The following ITGAX variants were observed in gnomAD, a reference collection of about 807,000 sequenced individuals.
The protein encoded by ITGAX is integrin alpha-X.
ITGAX carries 99 observed loss-of-function variants against 140.2 expected under a neutral mutation model. The observed-to-expected ratio is 0.71, with a 90% CI of 0.60 to 0.83. The LOEUF (loss-of-function observed/expected upper bound fraction) is 0.83, where lower values mean the gene tolerates loss of function less well. Among genes scored for constraint, ITGAX ranks in the 40% least tolerant of loss-of-function variants. ITGAX has a pLI of 0.00. For missense variants in ITGAX, 1,444 were observed against 1,482.0 expected (o/e 0.97, Z 0.42); for synonymous variants, 631 against 600.4 (o/e 1.05, Z -0.75).
At chr16:31,377,363 T>G in intron 23 of ITGAX, 98 bp downstream of exon 23, 46 of 942,458 alleles carry the variant, frequency 4.9e-5, no homozygotes, top group Non-Finnish European at 6.9e-5. Context: ...GAGGGTGAGA[T>G]AAGGTGTTTG....
rs564649269 is a variant in ITGAX at position 31,356,342 on chromosome 16, T to C, written c.144-283T>C. 1.5e-3 allele frequency: 670 copies of C among 442,852 alleles called. 4 individuals are homozygous for C. The highest frequency in any genetic ancestry group is 2.4e-3 in the Non-Finnish European group (580 of 245,082). The allele number at this position is 442,852 out of a possible 1,614,324, so 27.4% of individuals were successfully genotyped here. A position where few individuals can be genotyped will look rare whatever the true frequency, so the allele number is the denominator to read the frequency against. ...ACAGGGTCTCACTATGTTGCCTGGG[T>C]TGGTCTCAAACTCCTGGGCTCAAGC... On this transcript the variant is annotated intron_variant, in intron 2 of 29. Coordinates refer to ENST00000268296, the MANE Select transcript of ITGAX (RefSeq NM_000887.5).
chr16:31,380,426 C>A, intron 27 of ITGAX, 47 bp downstream of exon 27: 3 of 1,610,744 alleles, frequency 1.9e-6, no homozygotes, highest in Non-Finnish European at 2.5e-6. Flanking sequence ...TCAGGCGGGA[C>A]CTGGCATGTC....
At chr16:31,356,060 GC>G in intron 2 of ITGAX, 62 bp downstream of exon 2, 1 of 1,181,984 alleles carries the variant, frequency 8.5e-7, no homozygotes, top group Admixed American at 1.9e-5. Context: ...AGGGCCCCAT[GC>G]CCCCGGCCCT....
chr16:31,374,099 G>A (rs963140050), intron 20 of ITGAX, among the ~76,000 whole-genome samples: 2 of 152,252 alleles, frequency 1.3e-5, no homozygotes, highest in East Asian at 3.9e-4. Context: ...GACCAGCCTG[G>A]CCAACATGGT....
chr16:31,357,387 C>G (rs1462031871), intron 5 of ITGAX, 23 bp downstream of exon 5: 1 of 1,486,662 alleles, frequency 6.7e-7, no homozygotes, highest in South Asian at 1.2e-5. Flanking sequence ...ACCACCAAGG[C>G]TTTGAGGAGC....
At chr16:31,381,325 A>G (rs1316843018) in intron 29 of ITGAX, among the ~76,000 whole-genome samples, 1 of 152,182 alleles carries the variant, frequency 6.6e-6, no homozygotes, top group African/African-American at 2.4e-5. Flanking sequence ...GTCTTTGACC[A>G]TAGGCCAGTG....
rs1272843233 is a variant in ITGAX at position 31,371,774 on chromosome 16, T to C, written c.2150T>C (p.Leu717Pro). Residue 717 changes from leucine (L) to proline (P), a missense_variant, in exon 17 of 30, where the codon CTG (leucine) becomes CCG (proline). Physicochemically the swap from Leu to Pro is moderately conservative, Grantham distance 98. Coordinates refer to ENST00000268296, the MANE Select transcript of ITGAX (RefSeq NM_000887.5). ...AAGGCACACTGTGAAAACTTCAACC[T>C]GCTGCTCCCGGTGCGTCTGGGCATG... ...GLKAHCENFNLLLPSCVEDSV... is the reference protein window; with the variant it reads ...GLKAHCENFNPLLPSCVEDSV... 1 of 1,613,840 alleles carries C rather than the reference T, an allele frequency of 6.2e-7. No individual in the cohort carries two copies. Among genetic ancestry groups the C allele is most frequent in the Non-Finnish European group, 8.5e-7 (1 of 1,180,004 alleles).
At position 31,361,780 on chromosome 16, in the gene ITGAX, G is replaced by A. The variant is rs2080828528; in HGVS notation, c.1013-56G>A. 1.9e-6 allele frequency: 3 copies of A among 1,563,036 alleles called. No homozygotes were observed. The Admixed American group carries it at 5.0e-5, about 26-fold the overall frequency. On this transcript the variant is annotated intron_variant, in intron 9 of 29. Coordinates refer to ENST00000268296, the MANE Select transcript of ITGAX (RefSeq NM_000887.5). ...CTTCTCCTAAAGCTGAAGTGTTCTT[G>A]GACCTGGCAAAGCCCGTCTCCCTCC...
At position 31,357,092 on chromosome 16, in the gene ITGAX, C is replaced by T. The variant is rs763619758; in HGVS notation, c.309C>T (p.Ser103=). The change falls in exon 4 of 30, where the codon TCC becomes TCT. Residue 103 remains serine (S), a synonymous_variant. Coordinates refer to ENST00000268296, the MANE Select transcript of ITGAX (RefSeq NM_000887.5). Reference sequence around the variant, plus strand: ...CCCTGGCGTCTACCACCAGCCCTTCCCAGCTGCTGGTGAGTGGCCCTGGGT... The same window carrying T: ...CCCTGGCGTCTACCACCAGCCCTTCTCAGCTGCTGGTGAGTGGCCCTGGGT... ...GLSLASTTSP[S]QLLACGPTVH... The T allele has an allele frequency of 1.7e-5, 28 of 1,606,632 alleles. No homozygotes were observed. Among genetic ancestry groups the T allele is most frequent in the Middle Eastern group, 1.8e-4 (1 of 5,468 alleles).
chr16:31,370,974 C>T, intron 14 of ITGAX, 110 bp from the exon 15 acceptor site: 1 of 1,382,678 alleles, frequency 7.2e-7, no homozygotes, highest in Non-Finnish European at 1.0e-6. Flanking sequence ...GTTCACAACT[C>T]ACCCCTTCTC....
At chr16:31,363,878 C>T (rs750058011) in intron 14 of ITGAX, among the ~76,000 whole-genome samples, 1 of 152,210 alleles carries the variant, frequency 6.6e-6, no homozygotes, top group Non-Finnish European at 1.5e-5. Context: ...AAGGGCACTC[C>T]GGCCTCCTGA....
intron 14 of ITGAX, among the ~76,000 whole-genome samples, chr16:31,364,955 G>A (rs1483727523): frequency 6.6e-6 from 1 of 152,184 alleles, no homozygotes; most frequent in Non-Finnish European, 1.5e-5. Context: ...GGAGGTGGGG[G>A]TTGTGGTGAG....
Position 31,361,226 on chromosome 16 carries a change from G to T in ITGAX, c.1012+13G>T, listed in dbSNP as rs1281558611. On this transcript the variant is annotated intron_variant, in intron 9 of 29. Transcript: ENST00000268296. ...TTTGCCATTGAGGGTGAGTCTGAAG[G>T]GAGCTCTTCGCTTGGGGAATCCTCA... The T allele has an allele frequency of 6.3e-7, 1 of 1,594,902 alleles. No homozygotes were observed. Among genetic ancestry groups the T allele is most frequent in the Admixed American group, 1.8e-5 (1 of 55,458 alleles).
rs184562080 is a variant in ITGAX, at chr16:31,360,960, G to T, written c.862-103G>T. On this transcript the variant is annotated intron_variant, in intron 8 of 29. Coordinates refer to ENST00000268296, the MANE Select transcript of ITGAX (RefSeq NM_000887.5). The stretch of plus-strand genomic sequence containing the variant: ...CGTGTTTCTCCTGTGTCCACCGGGT[G>T]TGATCATGTTGATCTTGTGGGGTTA... 287 of 1,114,378 alleles carry T rather than the reference G, an allele frequency of 2.6e-4. 2 individuals are homozygous for T. In the African/African-American group the frequency reaches 3.9e-3, roughly 15 times the overall value. The allele number at this position is 1,114,378 out of a possible 1,614,324, so 69.0% of individuals were successfully genotyped here.
At position 31,357,312 on chromosome 16, in the gene ITGAX, C is replaced by T. The variant is rs1362486388; in HGVS notation, c.378C>T (p.Cys126=). ...GGAACATGTACCTCACCGGACTCTG[C>T]TTCCTCCTGGGCCCCACCCAGCTCA... ...CGRNMYLTGL[C]FLLGPTQLTQ... The change falls in exon 5 of 30, where the codon TGC becomes TGT. Residue 126 remains cysteine (C), a synonymous_variant. Transcript: ENST00000268296. 1.9e-6 allele frequency: 3 copies of T among 1,608,404 alleles called. No individual in the cohort carries two copies. Among genetic ancestry groups the T allele is most frequent in the African/African-American group, 1.3e-5 (1 of 74,750 alleles).
In ITGAX at chr16:31,356,693, A is replaced by G. The variant is rs751255361; in HGVS notation, c.212A>G (p.Tyr71Cys). ...NQTGGLYQCG[Y>C]STGACEPIGL... is the part of the protein sequence containing the mutation. The stretch of plus-strand genomic sequence containing the variant: ...ACGGGTGGCCTCTACCAGTGTGGCT[A>G]CAGCACTGGTGCCTGTGAGCCCATC... The change falls in exon 3 of 30, where the codon TAC becomes TGC. Residue 71 changes from tyrosine to cysteine, a missense_variant. Transcript: ENST00000268296. 2 of 1,597,534 alleles carry G rather than the reference A, an allele frequency of 1.3e-6. No homozygotes were observed. The highest frequency in any genetic ancestry group is 2.3e-5 in the South Asian group (2 of 87,986).
rs2080819435 is a variant in ITGAX at position 31,361,093 on chromosome 16, T to TTTCAAAAC, written c.892_893insTTCAAAAC (p.Trp298PhefsTer7). 5 of 1,612,646 alleles carry TTTCAAAAC rather than the reference T, an allele frequency of 3.1e-6. No individual in the cohort carries two copies. Among genetic ancestry groups the TTTCAAAAC allele is most frequent in the Admixed American group, 1.7e-5 (1 of 59,612 alleles). ...ATTAGCTTTTCAAAACAGAAATTCT[T>TTTCAAAAC]GGAAAGAATTAAATGACATTGCATC... On this transcript the variant is annotated frameshift_variant, in exon 9 of 30. Coordinates refer to ENST00000268296, the MANE Select transcript of ITGAX (RefSeq NM_000887.5). LOFTEE classifies it high-confidence loss of function.
At chr16:31,359,876 C>T in intron 6 of ITGAX, 44 bp from the exon 7 acceptor site, 1 of 1,613,976 alleles carries the variant, frequency 6.2e-7, no homozygotes, top group Non-Finnish European at 8.5e-7. Context: ...GTGCTTCGAT[C>T]CTGGTGAAAT....
rs533985369 is a variant in ITGAX, at chr16:31,375,812, G to A, written c.2509-987G>A. ...GAAAGGCCATCTCTTGCATGTGAGGGGTGATCACTGTCAATGAAAGTGCTC... is the reference window on the plus strand; with the variant it reads ...GAAAGGCCATCTCTTGCATGTGAGGAGTGATCACTGTCAATGAAAGTGCTC... On this transcript the variant is annotated intron_variant, in intron 20 of 29. Transcript: ENST00000268296. 3.3e-5 allele frequency among the ~76,000 whole-genome samples: 5 copies of A among 152,310 alleles called. 1 individual carries two copies. In the South Asian group the frequency reaches 1.0e-3, roughly 32 times the overall value.
Sources: allele counts gnomAD v4.1 joint callset (sites outside exome capture counted in the v4.1 genomes callset), GRCh38; gene constraint gnomAD v4.1.1; transcripts MANE v1.5; gene names NCBI Gene and HGNC (gene_info 2026-07-23, HGNC 2026-07-21).